Variants in BICC1 observed in about 807,000 individuals in gnomAD.
BICC1 encodes the protein protein bicaudal C homolog 1.
A neutral mutation model predicts 111.0 loss-of-function variants in BICC1; 43 were observed. The observed-to-expected ratio is 0.39, with a 90% CI of 0.30 to 0.50. BICC1 has a LOEUF of 0.50. Among genes scored for constraint, BICC1 ranks in the 20% least tolerant of loss-of-function variants. The pLI is 0.88. For missense variants in BICC1, 1,091 were observed against 1,203.2 expected (o/e 0.91, Z 1.38); for synonymous variants, 467 against 434.4 (o/e 1.07, Z -0.93).
At chr10:58,769,562 A>G (rs534516345) in intron 3 of BICC1, among the ~76,000 whole-genome samples, 16 of 151,612 alleles carry the variant, frequency 1.1e-4, no homozygotes, top group Admixed American at 5.3e-4. Flanking sequence ...CATTATTAAT[A>G]TAAGTACCAT....
intron 17 of BICC1, among the ~76,000 whole-genome samples, chr10:58,810,487 TAG>T (rs111591441): frequency 0.012 from 1,869 of 152,232 alleles, 44 homozygotes; most frequent in African/African-American, 0.043. Context: ...AATGGTGTTC[TAG>T]ATTCTCCCTG....
At chr10:58,688,383 G>C (rs974666201) in intron 2 of BICC1, among the ~76,000 whole-genome samples, 2 of 152,064 alleles carry the variant, frequency 1.3e-5, no homozygotes, top group African/African-American at 4.8e-5. Context: ...ACAGAGTGCT[G>C]ATTGGTGTGT....
chr10:58,572,227 T>A (rs1360357212), intron 1 of BICC1, among the ~76,000 whole-genome samples: 1 of 152,102 alleles, frequency 6.6e-6, no homozygotes, highest in Non-Finnish European at 1.5e-5. Context: ...GGATATTAGA[T>A]CTTTGTCAGA....
chr10:58,685,508 C>T (rs991246116), intron 2 of BICC1, among the ~76,000 whole-genome samples: 2 of 152,140 alleles, frequency 1.3e-5, no homozygotes, highest in Admixed American at 1.3e-4. Context: ...GTCTAAGTCT[C>T]TTTGTAGGTC....
At chr10:58,587,325 A>T (rs1360729505) in intron 1 of BICC1, among the ~76,000 whole-genome samples, 1 of 152,036 alleles carries the variant, frequency 6.6e-6, no homozygotes, top group Non-Finnish European at 1.5e-5. Context: ...GCAGAATTGA[A>T]TTTTCTCCAG....
chr10:58,828,345 C>T (rs987007518), intron 20 of BICC1, among the ~76,000 whole-genome samples: 3 of 152,182 alleles, frequency 2.0e-5, no homozygotes, highest in Non-Finnish European at 4.4e-5. Flanking sequence ...TAATAATTTT[C>T]TGTGCCATCA....
chr10:58,598,001 A>G (rs961330557), intron 1 of BICC1, among the ~76,000 whole-genome samples: 2 of 152,174 alleles, frequency 1.3e-5, no homozygotes, highest in Non-Finnish European at 2.9e-5. Flanking sequence ...CATCCTCAGC[A>G]TATGAAGATA....
intron 1 of BICC1, among the ~76,000 whole-genome samples, chr10:58,560,103 C>T (rs1843563217): frequency 1.3e-5 from 2 of 151,588 alleles, no homozygotes; most frequent in Admixed American, 6.6e-5. Context: ...GAAGAATTAC[C>T]TCCTCTTCAA....
At chr10:58,544,576 A>G (rs1843084896) in intron 1 of BICC1, among the ~76,000 whole-genome samples, 1 of 152,142 alleles carries the variant, frequency 6.6e-6, no homozygotes, top group Admixed American at 6.6e-5. Flanking sequence ...CGTATGTAGA[A>G]AGGAAAGAAA....
chr10:58,811,578 A>C (rs1451358135), intron 17 of BICC1, among the ~76,000 whole-genome samples: 1 of 152,020 alleles, frequency 6.6e-6, no homozygotes, highest in African/African-American at 2.4e-5. Context: ...TAATTCAATA[A>C]TTCCACAAAT....
intron 2 of BICC1, among the ~76,000 whole-genome samples, chr10:58,646,078 T>TC (rs1838261291): frequency 6.6e-6 from 1 of 151,790 alleles, no homozygotes; most frequent in South Asian, 2.1e-4. Flanking sequence ...TTTTTTTTTT[T>TC]CCTGAAGAAC....
intron 2 of BICC1, among the ~76,000 whole-genome samples, chr10:58,664,667 G>A (rs1437780057): frequency 6.7e-6 from 1 of 150,202 alleles, no homozygotes; most frequent in African/African-American, 2.4e-5. Context: ...ATTTGACTAT[G>A]CTATCTGTTG....
At chr10:58,600,435 C>A (rs937658593) in intron 1 of BICC1, among the ~76,000 whole-genome samples, 2 of 152,120 alleles carry the variant, frequency 1.3e-5, no homozygotes, top group African/African-American at 4.8e-5. Flanking sequence ...ACACGACTTA[C>A]TGGAAGGTAA....
At chr10:58,750,256 T>C (rs1841948574) in intron 3 of BICC1, among the ~76,000 whole-genome samples, 1 of 152,128 alleles carries the variant, frequency 6.6e-6, no homozygotes, top group Non-Finnish European at 1.5e-5. Context: ...TGTGGACCCA[T>C]GATGGCCAGT....
chr10:58,540,488 A>G (rs528609002), intron 1 of BICC1, among the ~76,000 whole-genome samples: 3 of 152,138 alleles, frequency 2.0e-5, no homozygotes, highest in South Asian at 2.1e-4. Flanking sequence ...ACTATGAACA[A>G]TTATACACCA....
At chr10:58,611,300 C>G (rs2132106969) in intron 1 of BICC1, among the ~76,000 whole-genome samples, 1 of 152,322 alleles carries the variant, frequency 6.6e-6, no homozygotes, top group Non-Finnish European at 1.5e-5. Flanking sequence ...AATTCTACCA[C>G]TCAAATAACA....
intron 1 of BICC1, among the ~76,000 whole-genome samples, chr10:58,546,555 A>C (rs1253729494): frequency 6.6e-6 from 1 of 151,694 alleles, no homozygotes; most frequent in East Asian, 1.9e-4. Context: ...TTCTTCAGGT[A>C]GCAGGTGGTG....
chr10:58,752,513 A>G (rs1842017668), intron 3 of BICC1, among the ~76,000 whole-genome samples: 1 of 152,158 alleles, frequency 6.6e-6, no homozygotes, highest in Non-Finnish European at 1.5e-5. Context: ...ATGGGTGAAG[A>G]GAGAAAGAAC....
intron 2 of BICC1, among the ~76,000 whole-genome samples, chr10:58,686,503 A>T (rs1307641842): frequency 6.6e-6 from 1 of 152,046 alleles, no homozygotes. Flanking sequence ...CAGGTACACC[A>T]GTCAAATGTA....
Sources: gnomAD v4.1 joint callset for allele counts (sites outside exome capture counted in the v4.1 genomes callset) on GRCh38, gnomAD v4.1.1 for gene constraint, MANE v1.5 for transcripts, NCBI Gene and HGNC (gene_info 2026-07-23, HGNC 2026-07-21) for gene names.